Variants in EMP2 observed in about 807,000 individuals in gnomAD.
The protein encoded by EMP2 is epithelial membrane protein 2.
A neutral mutation model predicts 13.7 loss-of-function variants in EMP2; 19 were observed. The observed-to-expected ratio is 1.38, with a 90% CI of 0.97 to 2.03. The LOEUF is 2.03. Ranked by LOEUF, EMP2 falls within the 30% of genes most tolerant of loss-of-function variation. EMP2 has a pLI of 0.00. For missense variants in EMP2, 253 were observed against 220.7 expected, an observed-to-expected ratio of 1.15 and a Z score of -0.93; for synonymous variants, 97 against 84.7, an observed-to-expected ratio of 1.15 and a Z score of -0.80.
chr16:10,563,082 A>T (rs1292379816), intron 1 of EMP2, among the ~76,000 whole-genome samples: 4 of 152,208 alleles, frequency 2.6e-5, no homozygotes, highest in South Asian at 2.1e-4. Flanking sequence ...CCTCACACCC[A>T]TTAGTTTAGG....
At chr16:10,551,789 C>T (rs77877529) in intron 1 of EMP2, among the ~76,000 whole-genome samples, 3,497 of 152,180 alleles carry the variant, frequency 0.023, 127 homozygotes, top group African/African-American at 0.078. Flanking sequence ...CTGCACAAAC[C>T]CTCCACCTTT....
intron 1 of EMP2, among the ~76,000 whole-genome samples, chr16:10,568,749 G>A (rs1275119083): frequency 6.6e-6 from 1 of 151,790 alleles, no homozygotes; most frequent in African/African-American, 2.4e-5. Flanking sequence ...AGAAGCAAAG[G>A]GAGGGGTGTG....
intron 1 of EMP2, among the ~76,000 whole-genome samples, chr16:10,570,445 T>G (rs1176956729): frequency 6.6e-6 from 1 of 152,154 alleles, no homozygotes; most frequent in Non-Finnish European, 1.5e-5. Context: ...CACCCAGAGC[T>G]TGAATGCAGT....
intron 3 of EMP2, among the ~76,000 whole-genome samples, chr16:10,541,093 GA>G (rs71133367): frequency 0.19 from 26,424 of 142,770 alleles, 2,563 homozygotes; most frequent in African/African-American, 0.28. Context: ...GATTCAAACG[GA>G]AAAAAAAAAA....
chr16:10,559,244 CCT>C (rs2050855456), intron 1 of EMP2: 2 of 152,466 alleles, frequency 1.3e-5, no homozygotes, highest in Non-Finnish European at 2.9e-5. Flanking sequence ...GTGGCTTTGG[CCT>C]CTGTTTTCAG....
At chr16:10,561,589 C>A (rs1000224008) in intron 1 of EMP2, among the ~76,000 whole-genome samples, 1 of 152,112 alleles carries the variant, frequency 6.6e-6, no homozygotes, top group Non-Finnish European at 1.5e-5. Context: ...GCTCATTGGC[C>A]GAATTGGCAA....
chr16:10,534,113 C>CAA (rs150563792), intron 4 of EMP2, among the ~76,000 whole-genome samples: 1 of 141,040 alleles, frequency 7.1e-6, no homozygotes, highest in East Asian at 2.0e-4. Context: ...AACTTCCTCT[C>CAA]AAAAAAAAAA....
chr16:10,574,374 C>T (rs8062897), intron 1 of EMP2, among the ~76,000 whole-genome samples: 7,912 of 152,138 alleles, frequency 0.052, 696 homozygotes, highest in African/African-American at 0.18. Flanking sequence ...AGCATCCTCA[C>T]GCCTGCCTCC....
chr16:10,569,303 A>C (rs1416334214), intron 1 of EMP2, among the ~76,000 whole-genome samples: 4 of 152,104 alleles, frequency 2.6e-5, no homozygotes, highest in Non-Finnish European at 5.9e-5. Context: ...CATTAAGCTT[A>C]AATTGATTCA....
chr16:10,553,181 C>T (rs1341987793), intron 1 of EMP2, among the ~76,000 whole-genome samples: 4 of 152,218 alleles, frequency 2.6e-5, no homozygotes, highest in Non-Finnish European at 4.4e-5. Flanking sequence ...CCCTTTACTC[C>T]TGCATCTCTA....
Position 10,538,076 on chromosome 16 carries a change from T to G in EMP2, c.170-2A>C. ...GGACCGCCTGCAGCGTGGAGTACTC[T>G]GCGGGAAAAGGGCAGGGGCGCAGGA... On this transcript the variant is annotated splice_acceptor_variant, in intron 3 of 4. Transcript: ENST00000359543. LOFTEE classifies it high-confidence loss of function. 1 of 1,613,360 alleles carries G rather than the reference T, an allele frequency of 6.2e-7. No homozygotes were observed. Among genetic ancestry groups the G allele is most frequent in the Non-Finnish European group, 8.5e-7 (1 of 1,179,858 alleles).
At chr16:10,556,772 T>G (rs1289275185) in intron 1 of EMP2, among the ~76,000 whole-genome samples, 4 of 152,224 alleles carry the variant, frequency 2.6e-5, no homozygotes, top group Admixed American at 2.6e-4. Flanking sequence ...TCCTAATGGT[T>G]CTGGGTGATT....
chr16:10,540,605 C>T (rs1360627692), intron 3 of EMP2, among the ~76,000 whole-genome samples: 1 of 152,164 alleles, frequency 6.6e-6, no homozygotes, highest in Non-Finnish European at 1.5e-5. Flanking sequence ...AAAACACCCA[C>T]TAATATCTGG....
In EMP2 at chr16:10,541,943, C is replaced by T. The variant is rs16957412; in HGVS notation, c.169+1627G>A. 7.3e-3 allele frequency among the ~76,000 whole-genome samples: 1,118 copies of T among 152,256 alleles called. 7 individuals carry two copies. The highest frequency in any genetic ancestry group is 0.026 in the African/African-American group (1,065 of 41,550). Reference sequence around the variant, plus strand: ...AACTTTAAGTAAATGGTGCCTTCTACTGGTATTTTTGCTGCTTTTATGATG... The same window carrying T: ...AACTTTAAGTAAATGGTGCCTTCTATTGGTATTTTTGCTGCTTTTATGATG... On this transcript the variant is annotated intron_variant, in intron 3 of 4. Coordinates refer to ENST00000359543, the MANE Select transcript of EMP2 (RefSeq NM_001424.6).
At chr16:10,571,715 T>C (rs1304803909) in intron 1 of EMP2, among the ~76,000 whole-genome samples, 2 of 152,186 alleles carry the variant, frequency 1.3e-5, no homozygotes, top group Admixed American at 6.5e-5. Flanking sequence ...GCTTGTGCAA[T>C]TGTCAAGGCA....
chr16:10,537,401 C>T (rs2050655491), intron 4 of EMP2, among the ~76,000 whole-genome samples: 1 of 152,162 alleles, frequency 6.6e-6, no homozygotes, highest in Non-Finnish European at 1.5e-5. Context: ...TGTCACCCAC[C>T]AGCTTGAAAC....
chr16:10,570,224 C>CTTT (rs544574300), intron 1 of EMP2, among the ~76,000 whole-genome samples: 2 of 131,742 alleles, frequency 1.5e-5, no homozygotes, highest in South Asian at 4.9e-4. Context: ...AAAATGGTGG[C>CTTT]TTTTTTTTTT....
chr16:10,541,936 C>A (rs1039062111), intron 3 of EMP2, among the ~76,000 whole-genome samples: 2 of 152,106 alleles, frequency 1.3e-5, no homozygotes, highest in African/African-American at 4.8e-5. Flanking sequence ...GTAAATGGTG[C>A]CTTCTACTGG....
chr16:10,537,944 G>A lies in EMP2; in HGVS notation c.300C>T (p.Ile100=). The part of the protein sequence containing the change: ...KQGERFVLTS[I]IQLMSCLCVM... ...TGTACTTACATGACATTAGCTGGAT[G>A]ATGGAGGTTAGGACAAACCTCTCTC... Residue 100 remains isoleucine (I), a synonymous_variant, in exon 4 of 5, where the codon ATC becomes ATT. Coordinates refer to ENST00000359543, the MANE Select transcript of EMP2 (RefSeq NM_001424.6). 1.9e-6 allele frequency: 3 copies of A among 1,614,126 alleles called. No homozygotes were observed. The highest frequency in any genetic ancestry group is 2.5e-6 in the Non-Finnish European group (3 of 1,180,022).
Sources: allele counts gnomAD v4.1 joint callset (sites outside exome capture counted in the v4.1 genomes callset), GRCh38; gene constraint gnomAD v4.1.1; transcripts MANE v1.5; gene names NCBI Gene and HGNC (gene_info 2026-07-23, HGNC 2026-07-21).